The following DACH2 variants were observed in gnomAD, a reference collection of about 807,000 sequenced individuals.
The protein encoded by DACH2 is dachshund family transcription factor 2.
DACH2 carries 17 observed loss-of-function variants against 35.8 expected under a neutral mutation model. The ratio of observed to expected loss-of-function variants is 0.48; its 90% CI spans 0.33 to 0.71. DACH2 has a LOEUF of 0.71. Among genes scored for constraint, DACH2 ranks in the 30% least tolerant of loss-of-function variants. The pLI is 0.02. For missense variants in DACH2, 469 were observed against 472.7 expected (o/e 0.99, Z 0.07); for synonymous variants, 195 against 177.3 (o/e 1.10, Z -0.79).
intron 2 of DACH2, among the ~76,000 whole-genome samples, chrX:86,445,577 AAAAAGAAATTTTT>A (rs1487332828): frequency 1.9e-5 from 2 of 102,660 alleles, no homozygotes; most frequent in African/African-American, 7.2e-5. Flanking sequence ...AAAAAAAAAA[AAAAAGAAATTTTT>A]AAAATGTCAT....
intron 3 of DACH2, among the ~76,000 whole-genome samples, chrX:86,614,498 G>C (rs915891215): frequency 1.8e-5 from 2 of 111,935 alleles, no homozygotes; most frequent in African/African-American, 6.5e-5. Context: ...AATCTGAAGA[G>C]GAGATGTTAT....
chrX:86,194,770 A>G (rs893922711), intron 1 of DACH2, among the ~76,000 whole-genome samples: 1 of 112,602 alleles, frequency 8.9e-6, no homozygotes, highest in Non-Finnish European at 1.9e-5. Context: ...AAGCATGGTC[A>G]GGGATGGCCA....
chrX:86,536,208 C>T (rs930659072), intron 3 of DACH2, among the ~76,000 whole-genome samples: 1 of 111,151 alleles, frequency 9.0e-6, no homozygotes, highest in Non-Finnish European at 1.9e-5. Context: ...AAGCATATAT[C>T]TTCAATATTA....
At chrX:86,725,232 A>G (rs2041453209) in intron 6 of DACH2, among the ~76,000 whole-genome samples, 1 of 110,709 alleles carries the variant, frequency 9.0e-6, no homozygotes, top group Non-Finnish European at 1.9e-5. Context: ...TTATGGTTTT[A>G]TTGTGTCATA....
At chrX:86,581,706 A>G (rs138437770) in intron 3 of DACH2, among the ~76,000 whole-genome samples, 86 of 112,052 alleles carry the variant, frequency 7.7e-4, no homozygotes, top group African/African-American at 2.7e-3. Context: ...ATATAGATAC[A>G]CCCAACACAA....
chrX:86,203,782 A>G (rs971418439), intron 1 of DACH2, among the ~76,000 whole-genome samples: 8 of 111,859 alleles, frequency 7.2e-5, no homozygotes, highest in Non-Finnish European at 1.5e-4. Context: ...AACAGATAGC[A>G]CTTGAGGATA....
chrX:86,810,722 G>A (rs1435704844), intron 7 of DACH2, among the ~76,000 whole-genome samples: 1 of 111,181 alleles, frequency 9.0e-6, no homozygotes, highest in African/African-American at 3.3e-5. Context: ...CCTAAGACAT[G>A]TTTTAATAGT....
intron 1 of DACH2, among the ~76,000 whole-genome samples, chrX:86,154,412 G>A (rs1465466107): frequency 9.0e-6 from 1 of 111,258 alleles, no homozygotes; most frequent in Non-Finnish European, 1.9e-5. Flanking sequence ...TATTCAAAAA[G>A]CCTTTGGTTG....
intron 3 of DACH2, among the ~76,000 whole-genome samples, chrX:86,570,615 G>GA (rs1447285877): frequency 2.7e-5 from 3 of 109,971 alleles, no homozygotes; most frequent in Non-Finnish European, 5.7e-5. Flanking sequence ...AGAGCATTAG[G>GA]AAAAAAATGC....
intron 1 of DACH2, among the ~76,000 whole-genome samples, chrX:86,266,025 C>T (rs906792032): frequency 1.3e-4 from 14 of 111,388 alleles, no homozygotes; most frequent in Non-Finnish European, 2.5e-4. Flanking sequence ...TTTTACTCTG[C>T]ATGTAAAACT....
intron 2 of DACH2, among the ~76,000 whole-genome samples, chrX:86,398,693 T>A (rs977799842): frequency 2.7e-5 from 3 of 112,077 alleles, no homozygotes; most frequent in Admixed American, 9.5e-5. Flanking sequence ...CATGTAGTTG[T>A]GTAGTTTTGA....
chrX:86,183,219 T>C (rs2031556987), intron 1 of DACH2, among the ~76,000 whole-genome samples: 2 of 112,021 alleles, frequency 1.8e-5, no homozygotes, highest in Admixed American at 9.5e-5. Context: ...ACTATGTTGA[T>C]AGGAGTGGTG....
At chrX:86,370,947 T>C (rs2035878385) in intron 1 of DACH2, among the ~76,000 whole-genome samples, 1 of 111,441 alleles carries the variant, frequency 9.0e-6, no homozygotes, top group Non-Finnish European at 1.9e-5. Context: ...AAGACCAAGT[T>C]ATTCTATTTT....
intron 1 of DACH2, among the ~76,000 whole-genome samples, chrX:86,183,645 T>C (rs2031576723): frequency 9.0e-6 from 1 of 111,565 alleles, no homozygotes. Context: ...TCCTTTTTTG[T>C]TGTGTCTCTG....
At chrX:86,598,648 G>A (rs975145921) in intron 3 of DACH2, among the ~76,000 whole-genome samples, 2 of 110,359 alleles carry the variant, frequency 1.8e-5, no homozygotes, top group African/African-American at 3.3e-5. Context: ...TTTCTCTCAT[G>A]GAGCTAAGTT....
At chrX:86,542,821 T>A (rs1384805288) in intron 3 of DACH2, among the ~76,000 whole-genome samples, 1 of 111,722 alleles carries the variant, frequency 9.0e-6, no homozygotes, top group Non-Finnish European at 1.9e-5. Flanking sequence ...ATCACAAGAT[T>A]CATAATGCAA....
At chrX:86,610,512 C>A (rs1285145904) in intron 3 of DACH2, among the ~76,000 whole-genome samples, 1 of 107,695 alleles carries the variant, frequency 9.3e-6, no homozygotes, top group East Asian at 2.9e-4. Flanking sequence ...TCTTGGCTCA[C>A]TGCAACCTCC....
At chrX:86,724,223 G>A (rs187290819) in intron 6 of DACH2, among the ~76,000 whole-genome samples, 1 of 111,188 alleles carries the variant, frequency 9.0e-6, no homozygotes, top group East Asian at 2.8e-4. Flanking sequence ...ATGATTTGAT[G>A]GAATTCCATC....
intron 2 of DACH2, among the ~76,000 whole-genome samples, chrX:86,393,214 C>A (rs969447251): frequency 9.0e-6 from 1 of 111,297 alleles, no homozygotes; most frequent in African/African-American, 3.3e-5. Flanking sequence ...TTTTCTCTCT[C>A]ACATTCAGAA....
Sources: allele counts gnomAD v4.1 joint callset (sites outside exome capture counted in the v4.1 genomes callset), GRCh38; gene constraint gnomAD v4.1.1; transcripts MANE v1.5; gene names NCBI Gene and HGNC (gene_info 2026-07-23, HGNC 2026-07-21).